The following GRM8 variants were observed in gnomAD, a reference collection of about 807,000 sequenced individuals.
GRM8 encodes glutamate metabotropic receptor 8.
A neutral mutation model predicts 87.2 loss-of-function variants in GRM8; 47 were observed. The observed-to-expected ratio is 0.54, with a 90% CI of 0.43 to 0.69. The LOEUF (loss-of-function observed/expected upper bound fraction) is 0.69, where lower values mean the gene tolerates loss of function less well. GRM8 is among the 30% of genes least tolerant of loss of function. The pLI is 0.00. For missense variants in GRM8, 1,019 were observed against 1,139.2 expected (o/e 0.89, Z 1.52); for synonymous variants, 396 against 404.5 (o/e 0.98, Z 0.25).
At chr7:127,043,616 G>A (rs953584049) in intron 3 of GRM8, among the ~76,000 whole-genome samples, 1 of 152,160 alleles carries the variant, frequency 6.6e-6, no homozygotes, top group Non-Finnish European at 1.5e-5. Flanking sequence ...GCCTGTTGTA[G>A]GGTGTGGGGA....
chr7:126,922,435 G>C (rs928339853), intron 3 of GRM8, among the ~76,000 whole-genome samples: 7 of 151,874 alleles, frequency 4.6e-5, no homozygotes, highest in Admixed American at 1.3e-4. Flanking sequence ...AAAAAATCAA[G>C]AAATAGCAAC....
At chr7:126,728,909 C>T (rs533430345) in intron 7 of GRM8, among the ~76,000 whole-genome samples, 1 of 152,164 alleles carries the variant, frequency 6.6e-6, no homozygotes, top group Non-Finnish European at 1.5e-5. Context: ...CCAGAAAGTT[C>T]TTTCCTGAGA....
chr7:126,980,608 T>G (rs1459262111), intron 3 of GRM8, among the ~76,000 whole-genome samples: 1 of 152,248 alleles, frequency 6.6e-6, no homozygotes, highest in Non-Finnish European at 1.5e-5. Context: ...CAGTTTTAAA[T>G]GTAACTCTTA....
chr7:126,942,250 A>G (rs1339384112), intron 3 of GRM8, among the ~76,000 whole-genome samples: 1 of 152,346 alleles, frequency 6.6e-6, no homozygotes, highest in East Asian at 1.9e-4. Flanking sequence ...ACTGCCCGAT[A>G]ATGAAATACT....
chr7:126,838,918 C>T (rs150163754), intron 6 of GRM8, among the ~76,000 whole-genome samples: 123 of 152,260 alleles, frequency 8.1e-4, no homozygotes, highest in African/African-American at 2.9e-3. Flanking sequence ...ACGCTTTGCC[C>T]ATCGGGGAAA....
At chr7:126,630,025 G>A (rs1479826947) in intron 7 of GRM8, among the ~76,000 whole-genome samples, 1 of 151,856 alleles carries the variant, frequency 6.6e-6, no homozygotes, top group African/African-American at 2.4e-5. Context: ...TGAAATGCTA[G>A]CAATCATGAT....
At chr7:126,476,280 G>T (rs1462738960) in intron 9 of GRM8, among the ~76,000 whole-genome samples, 1 of 152,084 alleles carries the variant, frequency 6.6e-6, no homozygotes, top group Non-Finnish European at 1.5e-5. Context: ...GATTAGCCAG[G>T]CATAGTGGCA....
chr7:126,861,864 T>G (rs1180365866), intron 6 of GRM8, among the ~76,000 whole-genome samples: 7 of 152,046 alleles, frequency 4.6e-5, no homozygotes, highest in Non-Finnish European at 1.0e-4. Flanking sequence ...TATCATTTTT[T>G]GATCTGTAAC....
intron 7 of GRM8, among the ~76,000 whole-genome samples, chr7:126,661,023 A>G (rs561832712): frequency 2.1e-4 from 32 of 152,206 alleles, no homozygotes; most frequent in South Asian, 1.2e-3. Context: ...GAGAGATGGC[A>G]TGGAGAGGAG....
intron 7 of GRM8, among the ~76,000 whole-genome samples, chr7:126,718,981 T>C (rs1812073716): frequency 6.6e-6 from 1 of 152,226 alleles, no homozygotes; most frequent in Admixed American, 6.5e-5. Flanking sequence ...GGAAATAATT[T>C]AATGTAAAAT....
intron 6 of GRM8, among the ~76,000 whole-genome samples, chr7:126,789,912 C>T (rs1352924425): frequency 1.3e-5 from 2 of 152,256 alleles, no homozygotes; most frequent in East Asian, 3.9e-4. Context: ...AGAGTTGAAT[C>T]CCTAAACTGT....
Position 126,968,945 on chromosome 7 carries a change from T to C in GRM8, c.728-64262A>G, listed in dbSNP as rs79817288. ...AGGTTCTATTTCAGACCACTGCAAT[T>C]AAGTGAATATTGCAATAAAGTGAGT... On this transcript the variant is annotated intron_variant, in intron 3 of 10. Coordinates refer to ENST00000339582, the MANE Select transcript of GRM8 (RefSeq NM_000845.3). 8.7e-4 allele frequency among the ~76,000 whole-genome samples: 132 copies of C among 152,290 alleles called. 1 individual carries two copies. The East Asian group carries it at 0.021, about 24-fold the overall frequency.
At chr7:127,025,503 G>T (rs1554572134) in intron 3 of GRM8, among the ~76,000 whole-genome samples, 1 of 152,112 alleles carries the variant, frequency 6.6e-6, no homozygotes, top group Non-Finnish European at 1.5e-5. Context: ...TAGAGACTGG[G>T]AGCTGCCTCT....
chr7:127,141,783 T>C (rs1223987664), intron 2 of GRM8, among the ~76,000 whole-genome samples: 2 of 152,158 alleles, frequency 1.3e-5, no homozygotes, highest in Admixed American at 6.5e-5. Context: ...CAGGTTACTG[T>C]TTGCAATCCT....
intron 6 of GRM8, among the ~76,000 whole-genome samples, chr7:126,811,065 C>A (rs1791324898): frequency 6.6e-6 from 1 of 151,950 alleles, no homozygotes; most frequent in African/African-American, 2.4e-5. Context: ...GAGATAGAGG[C>A]CCAGTTTCAT....
chr7:126,832,286 G>A (rs1230122029), intron 6 of GRM8, among the ~76,000 whole-genome samples: 1 of 152,070 alleles, frequency 6.6e-6, no homozygotes, highest in Non-Finnish European at 1.5e-5. Context: ...GTACATACTG[G>A]AAGAAATGAT....
At chr7:126,530,280 C>A (rs776477431) in intron 9 of GRM8, among the ~76,000 whole-genome samples, 42 of 152,354 alleles carry the variant, frequency 2.8e-4, no homozygotes, top group Admixed American at 5.2e-4. Context: ...TAAATGCATA[C>A]TGGAAGACAT....
At chr7:126,702,666 T>G (rs1194539990) in intron 7 of GRM8, among the ~76,000 whole-genome samples, 1 of 152,144 alleles carries the variant, frequency 6.6e-6, no homozygotes, top group African/African-American at 2.4e-5. Context: ...GACAGCAGTC[T>G]TCTAACTCCC....
intron 8 of GRM8, among the ~76,000 whole-genome samples, chr7:126,607,083 T>A (rs1187500744): frequency 6.6e-6 from 1 of 152,206 alleles, no homozygotes; most frequent in African/African-American, 2.4e-5. Flanking sequence ...TCAAAACATT[T>A]CTGTCTTATT....
Sources: gnomAD v4.1 joint callset for allele counts (sites outside exome capture counted in the v4.1 genomes callset) on GRCh38, gnomAD v4.1.1 for gene constraint, MANE v1.5 for transcripts, NCBI Gene and HGNC (gene_info 2026-07-23, HGNC 2026-07-21) for gene names.